The following MAST2 variants were observed in gnomAD, a reference collection of about 807,000 sequenced individuals.
The protein encoded by MAST2 is microtubule associated serine/threonine kinase 2, also known as microtubule-associated serine/threonine-protein kinase 2.
A neutral mutation model predicts 147.4 loss-of-function variants in MAST2; 70 were observed. The ratio of observed to expected loss-of-function variants is 0.47; its 90% CI spans 0.39 to 0.58. The LOEUF (loss-of-function observed/expected upper bound fraction) is 0.58, where lower values mean the gene tolerates loss of function less well. MAST2 is among the 20% of genes least tolerant of loss of function. The pLI is 0.00. For missense variants in MAST2, 2,080 were observed against 2,302.3 expected (o/e 0.90, Z 1.98); for synonymous variants, 869 against 896.8 (o/e 0.97, Z 0.55).
At chr1:45,865,908 A>G (rs1273004589) in intron 3 of MAST2, among the ~76,000 whole-genome samples, 1 of 152,224 alleles carries the variant, frequency 6.6e-6, no homozygotes, top group African/African-American at 2.4e-5. Context: ...TGACATAATG[A>G]AGATTCTAGT....
In MAST2 at chr1:46,010,787, A is replaced by G; in HGVS notation, c.1036A>G (p.Ser346Gly). ...AEFISSNTPD[S>G]VLPLADGALS... ...GTTTATTTCCTCCAACACTCCAGAC[A>G]GCGTGCTGCCCTTGGCAGATGGAGC... The change falls in exon 10 of 29, where the codon AGC becomes GGC. Residue 346 changes from serine (S) to glycine (G), a missense_variant. Ser to Gly is a moderately conservative substitution (Grantham distance 56, BLOSUM62 0). Around this residue, in one of 4 missense-constraint regions of MAST2, gnomAD observed 569 missense variants for 642.5 expected, o/e 0.89. Transcript: ENST00000361297. 1.2e-6 allele frequency: 2 copies of G among 1,614,202 alleles called. No individual in the cohort carries two copies. The highest frequency in any genetic ancestry group is 1.7e-6 in the Non-Finnish European group (2 of 1,180,040).
chr1:46,002,724 A>G (rs905827519), intron 6 of MAST2, 81 bp from the exon 7 acceptor site: 2 of 1,269,876 alleles, frequency 1.6e-6, no homozygotes, highest in Non-Finnish European at 2.3e-6. Context: ...ACTGCCCCCA[A>G]AATGCTGATG....
intron 5 of MAST2, among the ~76,000 whole-genome samples, chr1:45,961,236 C>A (rs1413128823): frequency 6.6e-6 from 1 of 152,012 alleles, no homozygotes; most frequent in Non-Finnish European, 1.5e-5. Flanking sequence ...AGGTGCTTTC[C>A]TCTAAAAAAA....
chr1:45,856,412 G>A (rs1645791813), intron 3 of MAST2, among the ~76,000 whole-genome samples: 1 of 152,216 alleles, frequency 6.6e-6, no homozygotes, highest in Non-Finnish European at 1.5e-5. Flanking sequence ...ACAAGGTATA[G>A]TGTAACTCAG....
chr1:45,944,583 G>A (rs1158995010), intron 4 of MAST2, among the ~76,000 whole-genome samples: 1 of 152,050 alleles, frequency 6.6e-6, no homozygotes, highest in Non-Finnish European at 1.5e-5. Context: ...TTCTATCAGA[G>A]CTCCAAAATG....
intron 3 of MAST2, among the ~76,000 whole-genome samples, chr1:45,854,603 G>A (rs1441407122): frequency 1.3e-5 from 2 of 151,934 alleles, no homozygotes; most frequent in African/African-American, 4.8e-5. Flanking sequence ...ATTTTGATAG[G>A]AATTACATTA....
chr1:45,870,594 A>G (rs1357461271), intron 3 of MAST2, among the ~76,000 whole-genome samples: 1 of 151,072 alleles, frequency 6.6e-6, no homozygotes, highest in Non-Finnish European at 1.5e-5. Context: ...TATTTCTAAT[A>G]TTGGGTATTA....
chr1:45,865,426 C>G (rs1423120875), intron 3 of MAST2, among the ~76,000 whole-genome samples: 1 of 152,188 alleles, frequency 6.6e-6, no homozygotes, highest in Non-Finnish European at 1.5e-5. Context: ...GAACATTAGA[C>G]ATTACTGCTG....
intron 4 of MAST2, among the ~76,000 whole-genome samples, chr1:45,946,830 G>A (rs1340306559): frequency 3.3e-5 from 5 of 152,114 alleles, no homozygotes; most frequent in Admixed American, 3.3e-4. Context: ...AGACTTTGGT[G>A]GGAGCATACT....
chr1:45,889,177 C>CT (rs1410657271), intron 4 of MAST2, among the ~76,000 whole-genome samples: 1 of 152,020 alleles, frequency 6.6e-6, no homozygotes, highest in Admixed American at 6.6e-5. Flanking sequence ...TTAATTTAAA[C>CT]TTTTTTGGTG....
intron 1 of MAST2, among the ~76,000 whole-genome samples, chr1:45,812,491 C>G (rs1300458249): frequency 6.7e-6 from 1 of 148,834 alleles, no homozygotes; most frequent in Non-Finnish European, 1.5e-5. Flanking sequence ...ACAGTGGTAC[C>G]ATCTTGGCTC....
chr1:46,018,619 A>G (rs1571229649), intron 10 of MAST2, among the ~76,000 whole-genome samples: 2 of 152,138 alleles, frequency 1.3e-5, no homozygotes, highest in Non-Finnish European at 2.9e-5. Flanking sequence ...CATGGTAGGT[A>G]TGCATCTCTT....
At chr1:45,854,796 C>T (rs956892857) in intron 3 of MAST2, among the ~76,000 whole-genome samples, 1 of 152,192 alleles carries the variant, frequency 6.6e-6, no homozygotes, top group African/African-American at 2.4e-5. Flanking sequence ...CTGGAATAAG[C>T]ATCAGATCCC....
intron 4 of MAST2, among the ~76,000 whole-genome samples, chr1:45,898,735 G>A (rs910172711): frequency 1.3e-5 from 2 of 152,188 alleles, no homozygotes; most frequent in African/African-American, 4.8e-5. Flanking sequence ...AAACAGAACA[G>A]TTCTTTCTGG....
chr1:46,031,391 C>T lies in MAST2; in HGVS notation c.2993C>T (p.Ala998Val), dbSNP rs1279187801. 6 of 1,610,682 alleles carry T rather than the reference C, an allele frequency of 3.7e-6. No homozygotes were observed. The highest frequency in any genetic ancestry group is 5.1e-6 in the Non-Finnish European group (6 of 1,177,912). The change falls in exon 24 of 29, where the codon GCT becomes GTT. Residue 998 changes from alanine to valine, a missense_variant and splice_region_variant. By Grantham distance (64) the Ala-to-Val change is moderately conservative. This residue lies in a region of MAST2 where 1,278 missense variants were observed against 1,304.2 expected (regional missense o/e 0.98). Coordinates refer to ENST00000361297, the MANE Select transcript of MAST2 (RefSeq NM_015112.3). This position sits in a 1 kb window ranked among gnomAD's most constrained non-coding sequence, Gnocchi z 4.1. ...TCTCACTGCTTACTTGGGCCTACAG[C>T]TATGGAGACCCGAGGCCGTGGGACC... The part of the protein sequence containing the change: ...AVGRSSGSSP[A>V]METRGRGTSQ...
At chr1:45,989,503 T>G (rs1644777471) in intron 5 of MAST2, among the ~76,000 whole-genome samples, 1 of 152,204 alleles carries the variant, frequency 6.6e-6, no homozygotes, top group African/African-American at 2.4e-5. Context: ...TACAGTTAGA[T>G]TCTCTTGTCA....
At chr1:45,856,833 G>A (rs1645806623) in intron 3 of MAST2, among the ~76,000 whole-genome samples, 1 of 151,904 alleles carries the variant, frequency 6.6e-6, no homozygotes, top group Non-Finnish European at 1.5e-5. Flanking sequence ...TGTCATGAGG[G>A]TAGTGGGCTG....
rs139003138 is a variant in MAST2, at chr1:45,934,408, C to T, written c.501-24978C>T. On this transcript the variant is annotated intron_variant, in intron 4 of 28. Coordinates refer to ENST00000361297, the MANE Select transcript of MAST2 (RefSeq NM_015112.3). ...GGCTGAGGCAGGAGAATGGCCTGAACCCAGGACGCAGAGCTTGCAGTGAGC... is the reference window on the plus strand; with the variant it reads ...GGCTGAGGCAGGAGAATGGCCTGAATCCAGGACGCAGAGCTTGCAGTGAGC... Among the ~76,000 whole-genome samples the T allele has an allele frequency of 7.3e-3, 1,116 of 152,146 alleles. 14 individuals carry two copies. The highest frequency in any genetic ancestry group is 0.015 in the Admixed American group (232 of 15,302).
chr1:45,847,219 A>G (rs2147956011), intron 3 of MAST2: 1 of 529,592 alleles, frequency 1.9e-6, no homozygotes. Context: ...GGAATCTCAA[A>G]GCCACATCCT....
Sources: gnomAD v4.1 joint callset for allele counts (sites outside exome capture counted in the v4.1 genomes callset) on GRCh38, gnomAD v4.1.1 for gene constraint, gnomAD v4.1.1 regional missense constraint, Gnocchi (gnomAD v3.1) non-coding constraint, MANE v1.5 for transcripts, NCBI Gene and HGNC (gene_info 2026-07-23, HGNC 2026-07-21) for gene names.